Variants in DLG5 observed in about 807,000 individuals in gnomAD.
DLG5 encodes discs large MAGUK scaffold protein 5.
In DLG5, 48 loss-of-function variants were observed where a neutral mutation model predicts 189.8. The observed-to-expected ratio is 0.25, with a 90% CI of 0.20 to 0.32. DLG5 has a LOEUF of 0.32. Ranked by LOEUF, DLG5 falls within the 10% of genes least tolerant of loss-of-function variation. DLG5 has a pLI of 1.00. For synonymous variants in DLG5, 1,016 were observed against 1,054.1 expected, an observed-to-expected ratio of 0.96 and a Z score of 0.70; for missense variants, 2,160 against 2,544.7, an observed-to-expected ratio of 0.85 and a Z score of 3.25.
chr10:77,822,635 T>G (rs1842428008), intron 14 of DLG5, among the ~76,000 whole-genome samples: 1 of 152,242 alleles, frequency 6.6e-6, no homozygotes, highest in East Asian at 1.9e-4. Flanking sequence ...ACAATGAGAC[T>G]CTGTCTCAAA....
chr10:77,819,270 G>A, intron 17 of DLG5, 51 bp downstream of exon 17: 4 of 1,612,472 alleles, frequency 2.5e-6, no homozygotes, highest in African/African-American at 1.3e-5. Flanking sequence ...TCCATGTCCA[G>A]GCAGGCTTGG....
intron 31 of DLG5, 40 bp downstream of exon 31, chr10:77,793,968 C>T (rs1840772950): frequency 6.3e-7 from 1 of 1,576,902 alleles, no homozygotes; most frequent in African/African-American, 1.3e-5. Context: ...TGCTTCCTTC[C>T]CTGCTGCCTG....
intron 2 of DLG5, among the ~76,000 whole-genome samples, chr10:77,857,184 A>G (rs1844277019): frequency 6.6e-6 from 1 of 152,206 alleles, no homozygotes; most frequent in African/African-American, 2.4e-5. Context: ...TCACACCTCC[A>G]GGATGCGACT....
At chr10:77,830,480 G>T in intron 10 of DLG5, 136 bp from the exon 11 acceptor site, 1 of 1,393,338 alleles carries the variant, frequency 7.2e-7, no homozygotes, top group Non-Finnish European at 9.8e-7. Context: ...CCATCCCCAG[G>T]ATGGAAACCT....
chr10:77,791,415 G>A lies in DLG5; in HGVS notation c.*1025C>T, dbSNP rs1840639473. 6.6e-6 allele frequency: 1 copy of A among 151,784 alleles called. No individual in the cohort carries two copies. Among genetic ancestry groups the A allele is most frequent in the African/African-American group, 2.4e-5 (1 of 41,234 alleles). 9.4% of individuals were successfully genotyped at this position (151,784 alleles called of 1,614,324 possible). ...TGCATGCCGTGAGTGCTGTAATCAA[G>A]ATTAAAAAGACCTCAGTTTTTCTTT... is the stretch of plus-strand genomic sequence containing the variant. On this transcript the variant is annotated 3_prime_UTR_variant, in exon 32 of 32. Transcript: ENST00000372391.
Position 77,873,035 on chromosome 10 carries a change from A to G in DLG5, c.305-3838T>C, listed in dbSNP as rs114231805. ...CTGATGTGTGTGTGTGTGTGTGCAC[A>G]CACACACACACACACACGAGAGGAG... On this transcript the variant is annotated intron_variant, in intron 1 of 31. Coordinates refer to ENST00000372391, the MANE Select transcript of DLG5 (RefSeq NM_004747.4). Among the ~76,000 whole-genome samples, 307 of 107,574 alleles carry G rather than the reference A, an allele frequency of 2.9e-3. 1 individual carries two copies. Among genetic ancestry groups the G allele is most frequent in the South Asian group, 3.8e-3 (12 of 3,198 alleles). The allele number at this position is 107,574 out of a possible 152,430, so 70.6% of individuals were successfully genotyped here. A position where few individuals can be genotyped will look rare whatever the true frequency, so the allele number is the denominator to read the frequency against.
In DLG5 at chr10:77,852,477, G is replaced by A. The variant is rs368227063; in HGVS notation, c.864+877C>T. Among the ~76,000 whole-genome samples, 14 of 152,088 alleles carry A rather than the reference G, an allele frequency of 9.2e-5. No homozygotes were observed. In the East Asian group the frequency reaches 1.4e-3, roughly 15 times the overall value. On this transcript the variant is annotated intron_variant, in intron 5 of 31. Transcript: ENST00000372391. ...GTCACCCAGGCTGGAGTGCAGTGGCGCAATCTTGGCTCACCGCATGCTCTG... is the reference window on the plus strand; with the variant it reads ...GTCACCCAGGCTGGAGTGCAGTGGCACAATCTTGGCTCACCGCATGCTCTG...
intron 18 of DLG5, 48 bp from the exon 19 acceptor site, chr10:77,817,144 C>T (rs902603666): frequency 1.3e-6 from 2 of 1,520,964 alleles, no homozygotes; most frequent in Non-Finnish European, 1.8e-6. Context: ...GGTTAAACAC[C>T]ACCCTGTCCT....
Position 77,926,631 on chromosome 10 carries a change from G to A in DLG5, c.-111C>T. On this transcript the variant is annotated 5_prime_UTR_variant, in exon 1 of 32. Coordinates refer to ENST00000372391, the MANE Select transcript of DLG5 (RefSeq NM_004747.4). The surrounding 1 kb of genome is among the most constrained non-coding windows in gnomAD (Gnocchi z 5.2). ...AGCCCTAGGGCGCCGGGAGCCGTGA[G>A]GCGGCGGGAGCCATGGGCCGGGGCC... 1 of 859,602 alleles carries A rather than the reference G, an allele frequency of 1.2e-6. No individual in the cohort carries two copies. The highest frequency in any genetic ancestry group is 1.4e-6 in the Non-Finnish European group (1 of 697,822). 53.2% of individuals were successfully genotyped at this position (859,602 alleles called of 1,614,324 possible).
Position 77,828,947 on chromosome 10 carries a change from C to T in DLG5, c.2224G>A (p.Ala742Thr). ...ISLENGVYAA[A>T]VLPGSPAAKE... Reference sequence around the variant, plus strand: ...GCGGCAGGGCTTCCAGGCAGCACAGCGGCAGCATACACTCCATTCTCCAGA... The same window carrying T: ...GCGGCAGGGCTTCCAGGCAGCACAGTGGCAGCATACACTCCATTCTCCAGA... Residue 742 changes from alanine (A) to threonine (T), a missense_variant, in exon 13 of 32, where the codon GCT (alanine) becomes ACT (threonine). Around this residue, in one of 5 missense-constraint regions of DLG5, gnomAD observed 107 missense variants for 214.5 expected, o/e 0.50. Transcript: ENST00000372391. 6.2e-7 allele frequency: 1 copy of T among 1,614,112 alleles called. No homozygotes were observed. Among genetic ancestry groups the T allele is most frequent in the African/African-American group, 1.3e-5 (1 of 75,054 alleles).
At chr10:77,793,711 C>T (rs1461843439) in intron 31 of DLG5, 1 of 404,418 alleles carries the variant, frequency 2.5e-6, no homozygotes, top group East Asian at 5.5e-5. Flanking sequence ...GACACTGTGG[C>T]TGCACTAAAC....
At chr10:77,901,178 T>C (rs1317473118) in intron 1 of DLG5, among the ~76,000 whole-genome samples, 2 of 152,074 alleles carry the variant, frequency 1.3e-5, no homozygotes, top group Non-Finnish European at 2.9e-5. Flanking sequence ...TGGATGTGTT[T>C]CCCAAGCGCC....
Position 77,926,008 on chromosome 10 carries a change from G to A in DLG5, c.304+209C>T, listed in dbSNP as rs555843914. 4.1e-4 allele frequency among the ~76,000 whole-genome samples: 62 copies of A among 152,340 alleles called. 1 individual carries two copies. Among genetic ancestry groups the A allele is most frequent in the Non-Finnish European group, 7.9e-4 (54 of 68,028 alleles). ...ACCTGAGAGTGAAGGCCTTCAGCGGGGGGCATTGTTCACAGCGAACGGCGG... is the reference window on the plus strand; with the variant it reads ...ACCTGAGAGTGAAGGCCTTCAGCGGAGGGCATTGTTCACAGCGAACGGCGG... On this transcript the variant is annotated intron_variant, in intron 1 of 31. Coordinates refer to ENST00000372391, the MANE Select transcript of DLG5 (RefSeq NM_004747.4). This position sits in a 1 kb window ranked among gnomAD's most constrained non-coding sequence, Gnocchi z 5.2.
At position 77,926,144 on chromosome 10, in the gene DLG5, G is replaced by A. The variant is rs2131887915; in HGVS notation, c.304+73C>T. ...CCAGGTGGAGCGGCGGCCCCGGCGA[G>A]GTACCCTCGGCCAGCAGGAGGGAGA... On this transcript the variant is annotated intron_variant, in intron 1 of 31. Transcript: ENST00000372391. This position sits in a 1 kb window ranked among gnomAD's most constrained non-coding sequence, Gnocchi z 5.2. The A allele has an allele frequency of 1.6e-6, 2 of 1,282,766 alleles. No homozygotes were observed. Among genetic ancestry groups the A allele is most frequent in the Non-Finnish European group, 2.0e-6 (2 of 1,004,534 alleles). 79.5% of individuals were successfully genotyped at this position (1,282,766 alleles called of 1,614,324 possible).
chr10:77,869,239 C>CA (rs1844805939), intron 1 of DLG5, 42 bp from the exon 2 acceptor site: 1 of 1,574,238 alleles, frequency 6.4e-7, no homozygotes, highest in Non-Finnish European at 8.7e-7. Context: ...CCCAAGGGGT[C>CA]ACTCGTCTTC....
At chr10:77,899,127 G>A (rs1423928484) in intron 1 of DLG5, among the ~76,000 whole-genome samples, 3 of 152,206 alleles carry the variant, frequency 2.0e-5, no homozygotes, top group African/African-American at 7.2e-5. Context: ...GCAAGGGCTA[G>A]GGTAGCATGT....
intron 3 of DLG5, among the ~76,000 whole-genome samples, chr10:77,854,802 A>G (rs1307171314): frequency 6.6e-6 from 1 of 152,038 alleles, no homozygotes; most frequent in Non-Finnish European, 1.5e-5. Context: ...CCTGAGCAAC[A>G]TGGTGAAACC....
chr10:77,813,292 CA>C (rs1841876754), intron 20 of DLG5, among the ~76,000 whole-genome samples: 1 of 152,222 alleles, frequency 6.6e-6, no homozygotes, highest in Non-Finnish European at 1.5e-5. Flanking sequence ...CTCTACAGCA[CA>C]TGGTCAGGAT....
chr10:77,806,724 G>A, intron 26 of DLG5, 34 bp downstream of exon 26: 2 of 1,016,164 alleles, frequency 2.0e-6, no homozygotes. Context: ...GGCGACCCCT[G>A]CCCCACCCCA....
Sources: gnomAD v4.1 joint callset for allele counts (sites outside exome capture counted in the v4.1 genomes callset) on GRCh38, gnomAD v4.1.1 for gene constraint, gnomAD v4.1.1 regional missense constraint, Gnocchi (gnomAD v3.1) non-coding constraint, MANE v1.5 for transcripts, NCBI Gene and HGNC (gene_info 2026-07-23, HGNC 2026-07-21) for gene names.